The following DGKB variants were observed in gnomAD, a reference collection of about 807,000 sequenced individuals.
DGKB encodes the protein 90 kDa diacylglycerol kinase.
A neutral mutation model predicts 114.3 loss-of-function variants in DGKB; 67 were observed. That is an observed-to-expected ratio of 0.59 (90% CI 0.48 to 0.72). The LOEUF is 0.72. Among genes scored for constraint, DGKB ranks in the 30% least tolerant of loss-of-function variants. The pLI, the probability that DGKB is intolerant of heterozygous loss-of-function variation, is 0.00. For missense variants in DGKB, 907 were observed against 975.2 expected, an observed-to-expected ratio of 0.93 and a Z score of 0.93; for synonymous variants, 398 against 323.1, an observed-to-expected ratio of 1.23 and a Z score of -2.49.
At chr7:14,895,394 G>C (rs1781938348) in intron 1 of DGKB, among the ~76,000 whole-genome samples, 1 of 151,448 alleles carries the variant, frequency 6.6e-6, no homozygotes, top group Non-Finnish European at 1.5e-5. Context: ...AAACATAATG[G>C]AGGTTTGCAG....
At chr7:14,643,781 G>C (rs1563768508) in intron 13 of DGKB, among the ~76,000 whole-genome samples, 1 of 152,094 alleles carries the variant, frequency 6.6e-6, no homozygotes, top group African/African-American at 2.4e-5. Flanking sequence ...TCAATAACCT[G>C]CAAACCAGTT....
At chr7:14,931,500 T>C (rs1410788864) in intron 1 of DGKB, among the ~76,000 whole-genome samples, 1 of 152,086 alleles carries the variant, frequency 6.6e-6, no homozygotes, top group Non-Finnish European at 1.5e-5. Context: ...CCTTGTCTGG[T>C]TTTGGTATCT....
chr7:14,529,640 A>G (rs1791231547), intron 20 of DGKB, among the ~76,000 whole-genome samples: 1 of 151,834 alleles, frequency 6.6e-6, no homozygotes. Flanking sequence ...TAATTTGACC[A>G]CATCTAAAGA....
intron 1 of DGKB, among the ~76,000 whole-genome samples, chr7:14,910,568 T>C (rs1783950255): frequency 6.6e-6 from 1 of 152,136 alleles, no homozygotes; most frequent in Non-Finnish European, 1.5e-5. Context: ...AAATAACACC[T>C]TATTTAACTA....
intron 13 of DGKB, among the ~76,000 whole-genome samples, chr7:14,668,342 A>T (rs1563851909): frequency 6.6e-6 from 1 of 152,078 alleles, no homozygotes; most frequent in Admixed American, 6.6e-5. Flanking sequence ...CTAGTTTGGG[A>T]AAGTTGGGGT....
intron 6 of DGKB, among the ~76,000 whole-genome samples, chr7:14,705,344 G>A (rs1345161528): frequency 1.3e-5 from 2 of 148,770 alleles, no homozygotes; most frequent in African/African-American, 2.5e-5. Flanking sequence ...ACGTCTGATT[G>A]GTGTACCTGA....
At chr7:14,377,074 T>A (rs1043709043) in intron 21 of DGKB, among the ~76,000 whole-genome samples, 7 of 152,182 alleles carry the variant, frequency 4.6e-5, no homozygotes, top group African/African-American at 1.7e-4. Context: ...GCATCTGGGT[T>A]ATAGGATGGG....
chr7:14,952,691 G>C (rs1215166762), intron 1 of DGKB, among the ~76,000 whole-genome samples: 2 of 151,970 alleles, frequency 1.3e-5, no homozygotes, highest in African/African-American at 4.8e-5. Flanking sequence ...GGGAGGAAGA[G>C]GTTGCAGCAG....
At chr7:14,468,612 C>A (rs1057359315) in intron 21 of DGKB, among the ~76,000 whole-genome samples, 1 of 151,066 alleles carries the variant, frequency 6.6e-6, no homozygotes, top group Non-Finnish European at 1.5e-5. Flanking sequence ...TTATAAGGAA[C>A]AATAAATAAT....
At chr7:14,609,972 T>A (rs1805224797) in intron 16 of DGKB, among the ~76,000 whole-genome samples, 1 of 152,044 alleles carries the variant, frequency 6.6e-6, no homozygotes, top group Non-Finnish European at 1.5e-5. Context: ...AATATTTTTT[T>A]AAGAACTTCA....
intron 20 of DGKB, among the ~76,000 whole-genome samples, chr7:14,498,687 A>G (rs1563329228): frequency 1.3e-5 from 2 of 151,750 alleles, no homozygotes; most frequent in Non-Finnish European, 3.0e-5. Flanking sequence ...ATCCAGTAGT[A>G]GTAGTACACT....
chr7:14,670,625 T>C (rs1165181679), intron 13 of DGKB, among the ~76,000 whole-genome samples: 1 of 152,052 alleles, frequency 6.6e-6, no homozygotes, highest in Admixed American at 6.6e-5. Flanking sequence ...ATATTAGCTA[T>C]AGTCATCATA....
At chr7:14,507,440 T>C (rs188686047) in intron 20 of DGKB, among the ~76,000 whole-genome samples, 1 of 152,310 alleles carries the variant, frequency 6.6e-6, no homozygotes, top group African/African-American at 2.4e-5. Context: ...CAATGGTCTC[T>C]TACTAATCAA....
chr7:14,712,419 G>A (rs1827513750), intron 6 of DGKB, among the ~76,000 whole-genome samples: 1 of 152,096 alleles, frequency 6.6e-6, no homozygotes, highest in Admixed American at 6.6e-5. Flanking sequence ...GAATTGATTA[G>A]TTATAGAAAT....
At chr7:14,217,483 A>T (rs886919339) in intron 23 of DGKB, among the ~76,000 whole-genome samples, 6 of 152,046 alleles carry the variant, frequency 3.9e-5, no homozygotes, top group African/African-American at 1.4e-4. Flanking sequence ...TTGGTTGTTT[A>T]TCTGGACAAG....
intron 5 of DGKB, among the ~76,000 whole-genome samples, chr7:14,726,354 G>A (rs147052395): frequency 0.024 from 3,707 of 152,010 alleles, 172 homozygotes; most frequent in African/African-American, 0.084. Context: ...TGGCCAGGCT[G>A]GTTTCTAACT....
intron 1 of DGKB, among the ~76,000 whole-genome samples, chr7:14,865,118 C>A (rs1388206980): frequency 1.3e-5 from 2 of 152,016 alleles, no homozygotes; most frequent in Admixed American, 1.3e-4. Flanking sequence ...TCAAGATGAC[C>A]CATGTAAATG....
At chr7:14,775,711 T>C (rs536894353) in intron 2 of DGKB, among the ~76,000 whole-genome samples, 3 of 152,112 alleles carry the variant, frequency 2.0e-5, no homozygotes, top group Admixed American at 6.5e-5. Context: ...TCTGCCATGA[T>C]TGTAAGTTTC....
chr7:14,271,427 A>C (rs1798255833), intron 23 of DGKB, among the ~76,000 whole-genome samples: 1 of 152,168 alleles, frequency 6.6e-6, no homozygotes, highest in Non-Finnish European at 1.5e-5. Flanking sequence ...CCAATTAGTC[A>C]AACAGTTACC....
Sources: allele counts gnomAD v4.1 joint callset (sites outside exome capture counted in the v4.1 genomes callset), GRCh38; gene constraint gnomAD v4.1.1; transcripts MANE v1.5; gene names NCBI Gene and HGNC (gene_info 2026-07-23, HGNC 2026-07-21).